SCARA5: variants seen among roughly 807,000 people sequenced by gnomAD.
SCARA5 encodes scavenger receptor class A member 5.
Under a neutral mutation model 46.3 loss-of-function variants are expected in SCARA5, and 45 were observed. That is an observed-to-expected ratio of 0.97 (90% CI 0.76 to 1.24). The LOEUF (loss-of-function observed/expected upper bound fraction) is 1.24. SCARA5 is among the 50% of genes most tolerant of loss of function. The pLI is 0.00. For synonymous variants in SCARA5, 333 were observed against 306.5 expected (o/e 1.09, Z -0.90); for missense variants, 680 against 689.0 (o/e 0.99, Z 0.15).
intron 6 of SCARA5, among the ~76,000 whole-genome samples, chr8:27,906,321 A>G (rs908283362): frequency 1.3e-5 from 2 of 152,254 alleles, no homozygotes; most frequent in African/African-American, 2.4e-5. Context: ...GAGCATGAAA[A>G]GACAGACTGA....
In SCARA5 at chr8:27,879,633, C is replaced by T. The variant is rs938479686; in HGVS notation, c.1287G>A (p.Val429=). Residue 429 remains valine, a synonymous_variant, in exon 8 of 9, where the codon GTG becomes GTA. Transcript: ENST00000354914. ...CGCGGAAGCCGAGCATGCGGCACAC[C>T]ACGTCTCCGTCCTTCTTGTCCCAGC... ...DDGWDKKDGD[V]VCRMLGFRGV... is the part of the protein sequence containing the mutation. 3 of 1,612,324 alleles carry T rather than the reference C, an allele frequency of 1.9e-6. No homozygotes were observed. Among genetic ancestry groups the T allele is most frequent in the Non-Finnish European group, 1.7e-6 (2 of 1,180,020 alleles).
chr8:27,984,556 T>C (rs949376368), intron 2 of SCARA5, among the ~76,000 whole-genome samples: 1 of 151,768 alleles, frequency 6.6e-6, no homozygotes, highest in African/African-American at 2.4e-5. Flanking sequence ...ATCCATCCAT[T>C]CATTCACCCA....
chr8:27,951,510 C>G (rs1808127285), intron 3 of SCARA5, among the ~76,000 whole-genome samples: 1 of 152,228 alleles, frequency 6.6e-6, no homozygotes, highest in Non-Finnish European at 1.5e-5. Context: ...CCGAGGCTCA[C>G]AGGGGCAAGG....
intron 5 of SCARA5, among the ~76,000 whole-genome samples, chr8:27,909,316 T>A (rs1431950161): frequency 2.0e-5 from 3 of 152,148 alleles, no homozygotes; most frequent in African/African-American, 7.2e-5. Flanking sequence ...GAAACACTGA[T>A]GGGACAGCAT....
At chr8:27,874,707 A>C (rs1373408261) in intron 8 of SCARA5, among the ~76,000 whole-genome samples, 3 of 152,356 alleles carry the variant, frequency 2.0e-5, no homozygotes, top group African/African-American at 7.2e-5. Context: ...AGAGGAGGTA[A>C]TAATGCAATA....
chr8:27,951,870 C>A (rs2726948), intron 3 of SCARA5, among the ~76,000 whole-genome samples: 37,175 of 152,006 alleles, frequency 0.24, 4,697 homozygotes, highest in Non-Finnish European at 0.26. Flanking sequence ...GAGCATGACC[C>A]AGAAGGAGGG....
intron 5 of SCARA5, among the ~76,000 whole-genome samples, chr8:27,909,435 C>T (rs899857589): frequency 2.0e-5 from 3 of 152,270 alleles, no homozygotes; most frequent in African/African-American, 7.2e-5. Context: ...AGCTGCAGGC[C>T]TGTCCTGTAC....
In SCARA5 at chr8:27,922,297, G is replaced by A. The variant is rs188294310; in HGVS notation, c.242-52C>T. ...GAGCACCGCTGGGGAGGAAGGCCCC[G>A]GGTGACAAGAGGCGAACCCAGTCAG... On this transcript the variant is annotated intron_variant, in intron 3 of 8. Transcript: ENST00000354914. 1,365 of 1,375,112 alleles carry A rather than the reference G, an allele frequency of 9.9e-4. 12 individuals carry two copies. In the African/African-American group the frequency reaches 0.018, roughly 19 times the overall value. The allele number at this position is 1,375,112 out of a possible 1,614,324, so 85.2% of individuals were successfully genotyped here. A position where few individuals can be genotyped will look rare whatever the true frequency, so the allele number is the denominator to read the frequency against.
At chr8:27,967,718 G>A (rs921079567) in intron 2 of SCARA5, among the ~76,000 whole-genome samples, 1 of 152,112 alleles carries the variant, frequency 6.6e-6, no homozygotes, top group Non-Finnish European at 1.5e-5. Flanking sequence ...TTCGACACCA[G>A]CCTGGCCAAT....
In SCARA5 at chr8:27,989,631, G is replaced by T. The variant is rs555328452; in HGVS notation, c.-15-2001C>A. On this transcript the variant is annotated intron_variant, in intron 1 of 8. Coordinates refer to ENST00000354914, the MANE Select transcript of SCARA5 (RefSeq NM_173833.6). ...CACACACACAGCCTTGGGGCTCCCAGTATCTGCGGGCCTCTCCTCCAGCCT... is the reference window on the plus strand; with the variant it reads ...CACACACACAGCCTTGGGGCTCCCATTATCTGCGGGCCTCTCCTCCAGCCT... Among the ~76,000 whole-genome samples, 9 of 152,342 alleles carry T rather than the reference G, an allele frequency of 5.9e-5. No individual in the cohort carries two copies. The South Asian group carries it at 1.9e-3, about 32-fold the overall frequency.
chr8:27,956,487 T>C lies in SCARA5; in HGVS notation c.241+9927A>G, dbSNP rs565735604. ...AGGCCCTAGTATAAGCCAGGCATTG[T>C]GCAAAAGCACTTCATGTATTATCTC... On this transcript the variant is annotated intron_variant, in intron 3 of 8. Coordinates refer to ENST00000354914, the MANE Select transcript of SCARA5 (RefSeq NM_173833.6). Among the ~76,000 whole-genome samples the C allele has an allele frequency of 4.6e-5, 7 of 152,330 alleles. No homozygotes were observed. In the South Asian group the frequency reaches 8.3e-4, roughly 18 times the overall value.
intron 3 of SCARA5, among the ~76,000 whole-genome samples, chr8:27,928,951 C>G (rs960010858): frequency 1.3e-5 from 2 of 152,018 alleles, no homozygotes; most frequent in Admixed American, 1.3e-4. Context: ...CAGGCCTGGC[C>G]AAGAACACAC....
At chr8:27,973,493 T>A (rs539523017) in intron 2 of SCARA5, among the ~76,000 whole-genome samples, 2 of 151,990 alleles carry the variant, frequency 1.3e-5, no homozygotes, top group African/African-American at 4.8e-5. Flanking sequence ...ATAAATTAAT[T>A]AATTAATTAA....
chr8:27,904,677 C>T, intron 7 of SCARA5, 101 bp downstream of exon 7: 1 of 1,067,676 alleles, frequency 9.4e-7, no homozygotes, highest in Non-Finnish European at 1.5e-6. Context: ...GAGCCCCAGC[C>T]ATGGCTCCAG....
chr8:27,976,462 A>G (rs1808525507), intron 2 of SCARA5, among the ~76,000 whole-genome samples: 3 of 152,040 alleles, frequency 2.0e-5, no homozygotes, highest in Admixed American at 6.5e-5. Context: ...TCCCTTAAAG[A>G]TGTCTGCAAG....
chr8:27,878,169 G>A lies in SCARA5; in HGVS notation c.1351+1400C>T, dbSNP rs1806754799. Among the ~76,000 whole-genome samples, 3 of 152,150 alleles carry A rather than the reference G, an allele frequency of 2.0e-5. No individual in the cohort carries two copies. The South Asian group carries it at 6.2e-4, about 32-fold the overall frequency. On this transcript the variant is annotated intron_variant, in intron 8 of 8. Transcript: ENST00000354914. ...GGGGCCTGGTAACTGGGTGTGAGAG[G>A]ATCAGCCCCAATCCCTCCCCACACC...
In SCARA5 at chr8:27,922,128, T is replaced by C. The variant is rs1413568379; in HGVS notation, c.359A>G (p.Asp120Gly). The C allele has an allele frequency of 6.2e-7, 1 of 1,606,938 alleles. No homozygotes were observed. ...CACCTTCCACACCTGCTCCGTCAGG[T>C]CCGCTTGCAGCGGAGCCTGCAGCAG... ...LRLLQAPLQA[D>G]LTEQVWKVQD... Residue 120 changes from aspartate (D) to glycine (G), a missense_variant, in exon 4 of 9, where the codon GAC becomes GGC. Coordinates refer to ENST00000354914, the MANE Select transcript of SCARA5 (RefSeq NM_173833.6).
In SCARA5 at chr8:27,921,888, C is replaced by T. The variant is rs770729765; in HGVS notation, c.599G>A (p.Arg200Lys). The change falls in exon 4 of 9, where the codon AGG (arginine) becomes AAG (lysine). Residue 200 changes from arginine (R) to lysine (K), a missense_variant. Arg to Lys is a conservative substitution (Grantham distance 26). Transcript: ENST00000354914. ...CCCGTCCAGCAGGCCCGCGTGGCGC[C>T]TCAGCAGCAGCTGGCTACTGTTGCT... The part of the protein sequence containing the change: ...VESNSSQLLL[R>K]RHAGLLDGLA... 1.5e-5 allele frequency: 23 copies of T among 1,499,012 alleles called. No individual in the cohort carries two copies. Among genetic ancestry groups the T allele is most frequent in the Non-Finnish European group, 2.0e-5 (23 of 1,132,202 alleles). 92.9% of individuals were successfully genotyped at this position (1,499,012 alleles called of 1,614,324 possible). A position where few individuals can be genotyped will look rare whatever the true frequency, so the allele number is the denominator to read the frequency against.
intron 7 of SCARA5, among the ~76,000 whole-genome samples, chr8:27,903,067 A>G (rs1334578139): frequency 6.6e-6 from 1 of 152,124 alleles, no homozygotes; most frequent in Non-Finnish European, 1.5e-5. Flanking sequence ...AGGGCAGGGC[A>G]GAGAGAAAGC....
Sources: allele counts gnomAD v4.1 joint callset (sites outside exome capture counted in the v4.1 genomes callset), GRCh38; gene constraint gnomAD v4.1.1; transcripts MANE v1.5; gene names NCBI Gene and HGNC (gene_info 2026-07-23, HGNC 2026-07-21).